The following NID1 variants were observed in gnomAD, a reference collection of about 807,000 sequenced individuals.
The protein encoded by NID1 is nidogen 1.
A neutral mutation model predicts 130.6 loss-of-function variants in NID1; 76 were observed. That is an observed-to-expected ratio of 0.58 (90% confidence interval 0.48 to 0.70). The LOEUF is 0.70. NID1 is among the 30% of genes least tolerant of loss of function. NID1 has a pLI of 0.00. For missense variants in NID1, 1,517 were observed against 1,664.8 expected (o/e 0.91, Z 1.54); for synonymous variants, 665 against 675.1 (o/e 0.98, Z 0.23).
intron 1 of NID1, among the ~76,000 whole-genome samples, chr1:236,063,467 G>T (rs1660098257): frequency 1.7e-5 from 2 of 116,916 alleles, no homozygotes; most frequent in African/African-American, 3.0e-5. Context: ...GAGAGACTCT[G>T]TCTCAAAAAA....
At chr1:236,020,234 A>T (rs1396461032) in intron 9 of NID1, among the ~76,000 whole-genome samples, 1 of 152,144 alleles carries the variant, frequency 6.6e-6, no homozygotes, top group East Asian at 1.9e-4. Context: ...TTCCTTTCAC[A>T]GGATCACTTT....
chr1:236,064,636 C>T, intron 1 of NID1: 1 of 584,618 alleles, frequency 1.7e-6, no homozygotes, highest in East Asian at 3.8e-5. Flanking sequence ...GCGCGCGGAG[C>T]CACCCAGACC....
At chr1:235,991,843 G>A (rs923712608) in intron 13 of NID1, among the ~76,000 whole-genome samples, 3 of 152,122 alleles carry the variant, frequency 2.0e-5, no homozygotes, top group African/African-American at 7.2e-5. Flanking sequence ...AGAATGAGTT[G>A]CCCCATACAG....
chr1:236,008,337 C>A (rs574389344), intron 12 of NID1, among the ~76,000 whole-genome samples: 13 of 152,304 alleles, frequency 8.5e-5, no homozygotes, highest in African/African-American at 2.6e-4. Flanking sequence ...CACTGGCTCA[C>A]CTTCAAAGCC....
rs77039237 is a variant in NID1 at position 236,046,270 on chromosome 1, T to A, written c.526-587A>T. Among the ~76,000 whole-genome samples the A allele has an allele frequency of 1.6e-4, 24 of 152,218 alleles. No individual in the cohort carries two copies. The East Asian group carries it at 4.6e-3, about 29-fold the overall frequency. Reference sequence around the variant, plus strand: ...CTTCACAGAAATGAGGAAGACTACATGAGGTCACGTATGAAAGAGCAGGCA... The same window carrying A: ...CTTCACAGAAATGAGGAAGACTACAAGAGGTCACGTATGAAAGAGCAGGCA... On this transcript the variant is annotated intron_variant, in intron 2 of 19. Coordinates refer to ENST00000264187, the MANE Select transcript of NID1 (RefSeq NM_002508.3).
At chr1:236,042,412 A>C in intron 3 of NID1, 120 bp from the exon 4 acceptor site, 1 of 1,272,238 alleles carries the variant, frequency 7.9e-7, no homozygotes, top group African/African-American at 1.5e-5. Flanking sequence ...TGCAGCTAGG[A>C]CTGGAGAGTG....
At chr1:236,049,599 A>G (rs4660151) in intron 1 of NID1, among the ~76,000 whole-genome samples, 47,125 of 152,154 alleles carry the variant, frequency 0.31, 7,846 homozygotes, top group African/African-American at 0.41. Context: ...ACAATATAGC[A>G]TCAAGAAGCA....
rs531170516 is a variant in NID1 at position 235,996,904 on chromosome 1, G to A, written c.2528-3032C>T. Among the ~76,000 whole-genome samples, 16 of 152,006 alleles carry A rather than the reference G, an allele frequency of 1.1e-4. No homozygotes were observed. In the East Asian group the frequency reaches 2.3e-3, roughly 22 times the overall value. ...GGCTGGAGTGCAGTGGCGCGATCTC[G>A]GCTCACTGCAAACTCTGCCTCCCGG... On this transcript the variant is annotated intron_variant, in intron 12 of 19. Coordinates refer to ENST00000264187, the MANE Select transcript of NID1 (RefSeq NM_002508.3).
In NID1 at chr1:235,979,732, C is replaced by T; in HGVS notation, c.3509+90G>A. On this transcript the variant is annotated intron_variant, in intron 18 of 19. Transcript: ENST00000264187. The surrounding 1 kb of genome is among the most constrained non-coding windows in gnomAD (Gnocchi z 4.6). ...CATTTCTGGAGGCTCAAAAGTCAAGCCAAGAGGCCAGATGGGAAGGGCCTG... is the reference window on the plus strand; with the variant it reads ...CATTTCTGGAGGCTCAAAAGTCAAGTCAAGAGGCCAGATGGGAAGGGCCTG... 6.7e-7 allele frequency: 1 copy of T among 1,502,490 alleles called. No individual in the cohort carries two copies. Among genetic ancestry groups the T allele is most frequent in the Non-Finnish European group, 9.2e-7 (1 of 1,090,864 alleles). The allele number at this position is 1,502,490 out of a possible 1,614,324, so 93.1% of individuals were successfully genotyped here. A position where few individuals can be genotyped will look rare whatever the true frequency, so the allele number is the denominator to read the frequency against.
Position 236,030,466 on chromosome 1 carries a change from T to TA in NID1, c.1538-717dup, listed in dbSNP as rs139364410. 2.6e-4 allele frequency among the ~76,000 whole-genome samples: 40 copies of TA among 151,854 alleles called. 1 individual carries two copies. Among genetic ancestry groups the TA allele is most frequent in the East Asian group, 1.2e-3 (6 of 5,182 alleles). On this transcript the variant is annotated intron_variant, in intron 6 of 19. Coordinates refer to ENST00000264187, the MANE Select transcript of NID1 (RefSeq NM_002508.3). Reference sequence around the variant, plus strand: ...AAAGGTCTTTACATTTTTTAATGGTTAAAAAAAAATCAAAAGAACAGTATT... The same window carrying TA: ...AAAGGTCTTTACATTTTTTAATGGTTAAAAAAAAAATCAAAAGAACAGTATT...
chr1:235,990,070 G>A (rs1046211324), intron 14 of NID1, among the ~76,000 whole-genome samples: 1 of 152,238 alleles, frequency 6.6e-6, no homozygotes, highest in African/African-American at 2.4e-5. Flanking sequence ...TTTGCAAGAG[G>A]CTTTTGAAAA....
chr1:236,028,835 T>C (rs1172276731), intron 7 of NID1, among the ~76,000 whole-genome samples: 1 of 152,104 alleles, frequency 6.6e-6, no homozygotes. Context: ...AGTTTGATAT[T>C]ATTTAAAACC....
intron 3 of NID1, among the ~76,000 whole-genome samples, chr1:236,042,877 G>A (rs759233699): frequency 3.3e-5 from 5 of 152,220 alleles, no homozygotes; most frequent in Admixed American, 1.3e-4. Flanking sequence ...AAAGACCAAG[G>A]CATGATTAGA....
rs374020129 is a variant in NID1, at chr1:236,011,896, G to A, written c.2527+25C>T. Reference sequence around the variant, plus strand: ...TTCATGGACAGGGCAATGGGCTACCGACTCCAGATGTCCCACCACCTTACC... The same window carrying A: ...TTCATGGACAGGGCAATGGGCTACCAACTCCAGATGTCCCACCACCTTACC... On this transcript the variant is annotated intron_variant, in intron 12 of 19. Transcript: ENST00000264187. 6.9e-5 allele frequency: 112 copies of A among 1,612,284 alleles called. No homozygotes were observed. In the Middle Eastern group the frequency reaches 1.4e-3, roughly 20 times the overall value.
chr1:236,049,763 G>A (rs1322865106), intron 1 of NID1, among the ~76,000 whole-genome samples: 1 of 152,118 alleles, frequency 6.6e-6, no homozygotes, highest in Non-Finnish European at 1.5e-5. Context: ...CTACTGGCCG[G>A]GCGTGGTGGC....
chr1:235,981,539 C>A, intron 16 of NID1, 72 bp downstream of exon 16: 1 of 1,497,344 alleles, frequency 6.7e-7, no homozygotes, highest in Admixed American at 2.0e-5. Flanking sequence ...GAGTTAAAGC[C>A]TCACATCTGA....
At chr1:236,025,776 A>G in intron 8 of NID1, 120 bp downstream of exon 8, 1 of 1,337,246 alleles carries the variant, frequency 7.5e-7, no homozygotes. Flanking sequence ...TTCCTGCCAG[A>G]AGATACTTTA....
chr1:236,003,603 CTCACACCTGTA>C (rs1183468069), intron 12 of NID1, among the ~76,000 whole-genome samples: 7 of 152,300 alleles, frequency 4.6e-5, no homozygotes, highest in Non-Finnish European at 7.4e-5. Flanking sequence ...GGCACGATGG[CTCACACCTGTA>C]ATCCCAGAAC....
At chr1:235,990,368 A>G (rs1456136893) in intron 14 of NID1, among the ~76,000 whole-genome samples, 1 of 152,140 alleles carries the variant, frequency 6.6e-6, no homozygotes, top group Non-Finnish European at 1.5e-5. Context: ...ACAAGAGCCA[A>G]TGATCTCAGA....
Sources: gnomAD v4.1 joint callset for allele counts (sites outside exome capture counted in the v4.1 genomes callset) on GRCh38, gnomAD v4.1.1 for gene constraint, Gnocchi (gnomAD v3.1) non-coding constraint, MANE v1.5 for transcripts, NCBI Gene and HGNC (gene_info 2026-07-23, HGNC 2026-07-21) for gene names.